PTPRS: variants seen among roughly 807,000 people sequenced by gnomAD.
PTPRS encodes protein tyrosine phosphatase receptor type S.
A neutral mutation model predicts 215.3 loss-of-function variants in PTPRS; 63 were observed. The observed-to-expected ratio is 0.29, with a 90% CI of 0.24 to 0.36. The LOEUF (loss-of-function observed/expected upper bound fraction) is 0.36, where lower values mean the gene tolerates loss of function less well. Among genes scored for constraint, PTPRS ranks in the 10% least tolerant of loss-of-function variants. The pLI is 1.00. For synonymous variants in PTPRS, 1,404 were observed against 1,191.4 expected, an observed-to-expected ratio of 1.18 and a Z score of -3.68; for missense variants, 2,258 against 2,825.8, an observed-to-expected ratio of 0.80 and a Z score of 4.56.
At chr19:5,291,848 C>T (rs758746338) in intron 1 of PTPRS, among the ~76,000 whole-genome samples, 6 of 152,002 alleles carry the variant, frequency 3.9e-5, no homozygotes, top group African/African-American at 7.3e-5. Flanking sequence ...GCTGCCAGCC[C>T]GGCCTCTGCT....
At chr19:5,249,252 A>G (rs564689718) in intron 9 of PTPRS, among the ~76,000 whole-genome samples, 7 of 152,354 alleles carry the variant, frequency 4.6e-5, no homozygotes, top group Non-Finnish European at 1.0e-4. Flanking sequence ...CAGAGGTTGC[A>G]GTGAACTGAG....
At position 5,220,209 on chromosome 19, in the gene PTPRS, G is replaced by T. The variant is rs184998485; in HGVS notation, c.3549+51C>A. Reference sequence around the variant, plus strand: ...AGCTCAGCTGGGAGCAACAGAGCACGTGAAAACTGGAATGCATCTGGGCCC... The same window carrying T: ...AGCTCAGCTGGGAGCAACAGAGCACTTGAAAACTGGAATGCATCTGGGCCC... On this transcript the variant is annotated intron_variant, in intron 21 of 37. Coordinates refer to ENST00000262963, the MANE Select transcript of PTPRS (RefSeq NM_002850.4). 473 of 1,608,474 alleles carry T rather than the reference G, an allele frequency of 2.9e-4. 2 individuals carry two copies. In the East Asian group the frequency reaches 9.7e-3, roughly 33 times the overall value.
intron 17 of PTPRS, 83 bp downstream of exon 17, chr19:5,225,644 A>G (rs1024357505): frequency 1.7e-6 from 2 of 1,197,928 alleles, no homozygotes; most frequent in East Asian, 4.7e-5. Context: ...TGCCCTTGTG[A>G]GCTCAAGGAC....
intron 4 of PTPRS, among the ~76,000 whole-genome samples, chr19:5,270,862 CT>C (rs1487434024): frequency 1.3e-5 from 2 of 152,190 alleles, no homozygotes; most frequent in Non-Finnish European, 2.9e-5. Context: ...CCAGGCTGGT[CT>C]CAAACTCCTG....
At chr19:5,288,032 CAT>C (rs2048510931) in intron 1 of PTPRS, among the ~76,000 whole-genome samples, 1 of 151,206 alleles carries the variant, frequency 6.6e-6, no homozygotes, top group South Asian at 2.1e-4. Flanking sequence ...AAAACTTGCA[CAT>C]AGTCAGACCA....
chr19:5,261,850 C>T (rs1346898411), intron 6 of PTPRS, among the ~76,000 whole-genome samples: 1 of 152,184 alleles, frequency 6.6e-6, no homozygotes. Context: ...CACTCTGCAC[C>T]CTTTAGAGGG....
intron 4 of PTPRS, among the ~76,000 whole-genome samples, chr19:5,271,736 T>G (rs916043567): frequency 6.6e-6 from 1 of 150,992 alleles, no homozygotes; most frequent in Non-Finnish European, 1.5e-5. Flanking sequence ...TTCATTCATT[T>G]ATTTTGAGAC....
At chr19:5,298,023 T>C (rs1447453677) in intron 1 of PTPRS, among the ~76,000 whole-genome samples, 1 of 152,134 alleles carries the variant, frequency 6.6e-6, no homozygotes, top group East Asian at 1.9e-4. Context: ...CTCAAACTCC[T>C]GACCTCATGA....
rs199589342 is a variant in PTPRS at position 5,210,446 on chromosome 19, C to T, written c.5487+23G>A. 76 of 1,613,968 alleles carry T rather than the reference C, an allele frequency of 4.7e-5. No homozygotes were observed. In the East Asian group the frequency reaches 8.5e-4, roughly 18 times the overall value. On this transcript the variant is annotated intron_variant, in intron 35 of 37. Coordinates refer to ENST00000262963, the MANE Select transcript of PTPRS (RefSeq NM_002850.4). The surrounding 1 kb of genome is among the most constrained non-coding windows in gnomAD (Gnocchi z 4.5). The stretch of plus-strand genomic sequence containing the variant: ...AGATCACTAAGGCTCCAGCCCCTCC[C>T]GCCAGTCTGTCTCTTCACTCACCCG...
chr19:5,322,804 G>A (rs566412323), intron 1 of PTPRS, among the ~76,000 whole-genome samples: 7 of 149,620 alleles, frequency 4.7e-5, no homozygotes, highest in South Asian at 2.1e-4. Flanking sequence ...GCTTGAACCC[G>A]GGAGGTGGAG....
At position 5,222,745 on chromosome 19, in the gene PTPRS, C is replaced by A; in HGVS notation, c.3047G>T (p.Arg1016Leu). 6.3e-7 allele frequency: 1 copy of A among 1,598,226 alleles called. No homozygotes were observed. Among genetic ancestry groups the A allele is most frequent in the Non-Finnish European group, 8.5e-7 (1 of 1,178,248 alleles). Residue 1016 changes from arginine (R) to leucine (L), a missense_variant, in exon 18 of 38, where the codon CGG becomes CTG. Arg to Leu is a moderately radical substitution (Grantham distance 102, BLOSUM62 -2). Transcript: ENST00000262963. ...YDLQVRAHTR[R>L]GPGPFSPPVR... ...GGGGGGGCTGAAGGGGCCAGGGCCC[C>A]GGCGCGTGTGGGCTCGCACTTGGAG...
In PTPRS at chr19:5,274,255, T is replaced by G. The variant is rs1390340420; in HGVS notation, c.181A>C (p.Lys61Gln). Residue 61 changes from lysine (K) to glutamine (Q), a missense_variant, in exon 3 of 38, where the codon AAG becomes CAG. Coordinates refer to ENST00000262963, the MANE Select transcript of PTPRS (RefSeq NM_002850.4). ...SFVCQATGDP[K>Q]PRVTWNKKGK... Reference sequence around the variant, plus strand: ...TTCTTGTTCCAGGTCACTCGTGGCTTGGGGTCACCCGTGGCCTGACACACG... The same window carrying G: ...TTCTTGTTCCAGGTCACTCGTGGCTGGGGGTCACCCGTGGCCTGACACACG... 6.2e-7 allele frequency: 1 copy of G among 1,613,840 alleles called. No homozygotes were observed. The highest frequency in any genetic ancestry group is 1.7e-5 in the Admixed American group (1 of 59,990).
intron 24 of PTPRS, 127 bp from the exon 25 acceptor site, chr19:5,218,659 C>T (rs1446036286): frequency 6.6e-7 from 1 of 1,512,596 alleles, no homozygotes; most frequent in Non-Finnish European, 9.2e-7. Flanking sequence ...GTTTCCAGGA[C>T]CAAGTACAGC....
Position 5,222,226 on chromosome 19 carries a change from G to A in PTPRS, c.3104-6C>T, listed in dbSNP as rs779634329. 3.7e-5 allele frequency: 59 copies of A among 1,611,644 alleles called. No homozygotes were observed. Among genetic ancestry groups the A allele is most frequent in the Middle Eastern group, 1.6e-4 (1 of 6,078 alleles). On this transcript the variant is annotated splice_polypyrimidine_tract_variant and splice_region_variant and intron_variant, in intron 18 of 37. Transcript: ENST00000262963. ...CTTGAAGTTCTTGGGCGAGACTGCCGGGGAGGCGGCCGAGCAGGGAGAGAG... is the reference window on the plus strand; with the variant it reads ...CTTGAAGTTCTTGGGCGAGACTGCCAGGGAGGCGGCCGAGCAGGGAGAGAG...
intron 1 of PTPRS, among the ~76,000 whole-genome samples, chr19:5,334,272 A>G (rs1260504054): frequency 6.6e-6 from 1 of 152,240 alleles, no homozygotes; most frequent in African/African-American, 2.4e-5. Context: ...GCGGGTGGAC[A>G]CTGGAGAGCC....
chr19:5,331,787 C>T (rs540806502), intron 1 of PTPRS, among the ~76,000 whole-genome samples: 49 of 152,312 alleles, frequency 3.2e-4, no homozygotes, highest in Non-Finnish European at 5.9e-4. Flanking sequence ...GCGGGACAGC[C>T]GGCTTCCTTC....
At chr19:5,276,597 G>C (rs891042718) in intron 2 of PTPRS, among the ~76,000 whole-genome samples, 1 of 151,860 alleles carries the variant, frequency 6.6e-6, no homozygotes, top group African/African-American at 2.4e-5. Context: ...CTGGAGTGCA[G>C]TGGTGCGATC....
At position 5,210,437 on chromosome 19, in the gene PTPRS, A is replaced by C; in HGVS notation, c.5487+32T>G. The C allele has an allele frequency of 6.2e-7, 1 of 1,613,764 alleles. No homozygotes were observed. The highest frequency in any genetic ancestry group is 2.2e-5 in the East Asian group (1 of 44,866). On this transcript the variant is annotated intron_variant, in intron 35 of 37. Coordinates refer to ENST00000262963, the MANE Select transcript of PTPRS (RefSeq NM_002850.4). The surrounding 1 kb of genome is among the most constrained non-coding windows in gnomAD (Gnocchi z 4.5). The stretch of plus-strand genomic sequence containing the variant: ...GCCCTTTCCAGATCACTAAGGCTCC[A>C]GCCCCTCCCGCCAGTCTGTCTCTTC...
At chr19:5,286,474 AC>A (rs1282628039) in intron 1 of PTPRS, 1 of 339,184 alleles carries the variant, frequency 2.9e-6, no homozygotes, top group Non-Finnish European at 5.7e-6. Context: ...TATGATGGTA[AC>A]AGGAGATGGA....
Sources: allele counts gnomAD v4.1 joint callset (sites outside exome capture counted in the v4.1 genomes callset), GRCh38; gene constraint gnomAD v4.1.1; non-coding constraint Gnocchi (gnomAD v3.1); transcripts MANE v1.5; gene names NCBI Gene and HGNC (gene_info 2026-07-23, HGNC 2026-07-21).